Variants in ZNF469 observed in about 807,000 individuals in gnomAD.
The protein encoded by ZNF469 is zinc finger protein 469.
Under a neutral mutation model 1.0 loss-of-function variants are expected in ZNF469, and 1 was observed. The observed-to-expected ratio is 1.00, with a 90% CI of 0.35 to 4.73. The LOEUF is 4.73. Ranked by LOEUF, ZNF469 falls within the 30% of genes most tolerant of loss-of-function variation. ZNF469 has a pLI of 0.16. For missense variants in ZNF469, 6,100 were observed against 5,356.3 expected (o/e 1.14, Z -4.33); for synonymous variants, 2,703 against 2,363.4 (o/e 1.14, Z -4.17).
chr16:88,187,262 C>T, the ZNF469 span, among the ~76,000 whole-genome samples: 1 of 152,226 alleles, frequency 6.6e-6, no homozygotes, highest in Non-Finnish European at 1.5e-5. Context: ...GCTAGGCCTC[C>T]CAGGTCCGAC....
At chr16:88,247,219 T>C in the ZNF469 span, among the ~76,000 whole-genome samples, 1 of 135,126 alleles carries the variant, frequency 7.4e-6, no homozygotes, top group Non-Finnish European at 1.6e-5. Context: ...AGGGAATAAG[T>C]GAGTGAATGA....
the ZNF469 span, among the ~76,000 whole-genome samples, chr16:88,273,055 T>C: frequency 6.7e-6 from 1 of 149,980 alleles, no homozygotes; most frequent in Non-Finnish European, 1.5e-5. Flanking sequence ...GACGAGTGGA[T>C]AGATGGATGA....
the ZNF469 span, among the ~76,000 whole-genome samples, chr16:88,364,387 G>A: frequency 6.6e-6 from 1 of 150,954 alleles, no homozygotes; most frequent in Admixed American, 6.6e-5. Context: ...ATATCTTGTG[G>A]TGGAAGCCTT....
the ZNF469 span, among the ~76,000 whole-genome samples, chr16:88,198,514 G>A: frequency 6.6e-6 from 1 of 152,248 alleles, no homozygotes; most frequent in South Asian, 2.1e-4. Context: ...AATGCAGCTG[G>A]TGCAGCTAAG....
the ZNF469 span, among the ~76,000 whole-genome samples, chr16:88,213,756 C>T: frequency 6.6e-6 from 1 of 152,158 alleles, no homozygotes; most frequent in African/African-American, 2.4e-5. Context: ...TATTTCCACA[C>T]TTACTGTGGC....
At chr16:88,377,387 C>A in the ZNF469 span, among the ~76,000 whole-genome samples, 5 of 152,228 alleles carry the variant, frequency 3.3e-5, no homozygotes, top group African/African-American at 1.2e-4. Context: ...CATGGCAGCA[C>A]GTGAATGTGT....
Position 88,432,481 on chromosome 16 carries a change from C to T in ZNF469, c.5011C>T (p.Leu1671Phe), listed in dbSNP as rs1299131606. ...CTCCTTCCATCCGGGACATGCAGCCCTTCTCCCCTGTGCCCAGGAAGACCT... is the reference window on the plus strand; with the variant it reads ...CTCCTTCCATCCGGGACATGCAGCCTTTCTCCCCTGTGCCCAGGAAGACCT... ...PASFHPGHAA[L>F]LPCAQEDLVS... The change falls in exon 3 of 3, where the codon CTT becomes TTT. Residue 1671 changes from leucine to phenylalanine, a missense_variant. Leu to Phe is a conservative substitution (Grantham distance 22). Coordinates refer to ENST00000565624, the MANE Select transcript of ZNF469 (RefSeq NM_001367624.2). 6 of 1,550,282 alleles carry T rather than the reference C, an allele frequency of 3.9e-6. No homozygotes were observed. In the Admixed American group the frequency reaches 5.9e-5, roughly 15 times the overall value.
At chr16:88,292,445 G>A in the ZNF469 span, among the ~76,000 whole-genome samples, 2 of 152,134 alleles carry the variant, frequency 1.3e-5, no homozygotes, top group African/African-American at 4.8e-5. Context: ...AATTGAGACT[G>A]ATAAACCCAC....
intron 1 of ZNF469, among the ~76,000 whole-genome samples, chr16:88,400,273 C>T (rs1904817246): frequency 6.6e-6 from 1 of 152,240 alleles, no homozygotes; most frequent in Non-Finnish European, 1.5e-5. Flanking sequence ...TCCTTGGAGC[C>T]TCAGTGTCCT....
chr16:88,326,967 C>G, the ZNF469 span, among the ~76,000 whole-genome samples: 1 of 152,196 alleles, frequency 6.6e-6, no homozygotes, highest in Non-Finnish European at 1.5e-5. Flanking sequence ...CCCCGTCGCT[C>G]TCCCTCCTGT....
At chr16:88,251,370 G>A in the ZNF469 span, among the ~76,000 whole-genome samples, 6 of 151,914 alleles carry the variant, frequency 3.9e-5, no homozygotes, top group Admixed American at 6.5e-5. Context: ...CTACATGCAC[G>A]TGTCAGGTAA....
chr16:88,425,508 C>G (rs1329384504), intron 2 of ZNF469, among the ~76,000 whole-genome samples: 1 of 151,044 alleles, frequency 6.6e-6, no homozygotes, highest in East Asian at 1.9e-4. Flanking sequence ...GGGCTAGGAG[C>G]CAGCCCTCCC....
chr16:88,324,895 G>T, the ZNF469 span, among the ~76,000 whole-genome samples: 13 of 152,126 alleles, frequency 8.5e-5, no homozygotes, highest in Non-Finnish European at 1.9e-4. Context: ...AAGAAAAGAG[G>T]GTTGGCTCAC....
the ZNF469 span, among the ~76,000 whole-genome samples, chr16:88,172,719 T>C: frequency 6.6e-6 from 1 of 152,152 alleles, no homozygotes; most frequent in South Asian, 2.1e-4. Flanking sequence ...TTCCATGTGT[T>C]CAAGAAGGAG....
chr16:88,382,903 G>T (rs1320394522), upstream of ZNF469, among the ~76,000 whole-genome samples: 2 of 151,778 alleles, frequency 1.3e-5, no homozygotes, highest in Non-Finnish European at 2.9e-5. Context: ...ATAGCTGGGG[G>T]GAGGGTGCGG....
chr16:88,207,728 G>A, the ZNF469 span, among the ~76,000 whole-genome samples: 1 of 146,026 alleles, frequency 6.8e-6, no homozygotes, highest in South Asian at 2.2e-4. Flanking sequence ...GCTTGTGGCC[G>A]CATCGCTCCC....
chr16:88,101,868 T>A, the ZNF469 span, among the ~76,000 whole-genome samples: 1 of 152,140 alleles, frequency 6.6e-6, no homozygotes, highest in Admixed American at 6.5e-5. Flanking sequence ...GGTTCCTCCA[T>A]GACGTGTAGA....
the ZNF469 span, among the ~76,000 whole-genome samples, chr16:88,286,002 C>T: frequency 1.5e-4 from 23 of 152,372 alleles, no homozygotes; most frequent in African/African-American, 4.6e-4. Flanking sequence ...CCCGGAGCAT[C>T]GCCATCTCCT....
the ZNF469 span, among the ~76,000 whole-genome samples, chr16:88,209,239 C>T: frequency 1.1e-3 from 171 of 152,200 alleles, no homozygotes; most frequent in African/African-American, 3.9e-3. Context: ...TGACATACAC[C>T]GTCTCATCGG....
Sources: allele counts gnomAD v4.1 joint callset (sites outside exome capture counted in the v4.1 genomes callset), GRCh38; gene constraint gnomAD v4.1.1; transcripts MANE v1.5; gene names NCBI Gene and HGNC (gene_info 2026-07-23, HGNC 2026-07-21).